The following ARHGAP24 variants were observed in gnomAD, a reference collection of about 807,000 sequenced individuals.
ARHGAP24 encodes rho GTPase-activating protein 24.
Under a neutral mutation model 76.4 loss-of-function variants are expected in ARHGAP24, and 50 were observed. The observed-to-expected ratio is 0.65, with a 90% CI of 0.52 to 0.83. The LOEUF (loss-of-function observed/expected upper bound fraction) is 0.83, where lower values mean the gene tolerates loss of function less well. Among genes scored for constraint, ARHGAP24 ranks in the 40% least tolerant of loss-of-function variants. The pLI is 0.00. For missense variants in ARHGAP24, 930 were observed against 914.2 expected (o/e 1.02, Z -0.22); for synonymous variants, 345 against 323.3 (o/e 1.07, Z -0.72).
intron 3 of ARHGAP24, among the ~76,000 whole-genome samples, chr4:85,885,854 A>G (rs1178233727): frequency 6.6e-6 from 1 of 152,092 alleles, no homozygotes; most frequent in East Asian, 1.9e-4. Flanking sequence ...GTTGGTTGAT[A>G]CTTTATTTAT....
At chr4:85,834,621 G>A (rs959949609) in intron 3 of ARHGAP24, among the ~76,000 whole-genome samples, 5 of 152,310 alleles carry the variant, frequency 3.3e-5, no homozygotes, top group East Asian at 1.9e-4. Flanking sequence ...CTGTCAAAAC[G>A]GAGAGAAGAT....
intron 1 of ARHGAP24, among the ~76,000 whole-genome samples, chr4:85,561,458 G>T (rs1726596806): frequency 1.3e-5 from 2 of 152,206 alleles, no homozygotes; most frequent in African/African-American, 2.4e-5. Context: ...GAAAAAGGTG[G>T]TATGGTGGAG....
chr4:85,793,546 G>A (rs1369345282), intron 3 of ARHGAP24, among the ~76,000 whole-genome samples: 1 of 152,060 alleles, frequency 6.6e-6, no homozygotes, highest in Non-Finnish European at 1.5e-5. Flanking sequence ...TCTATTTATG[G>A]CATCTGGCAA....
chr4:85,777,856 A>G (rs1405767509), intron 3 of ARHGAP24, among the ~76,000 whole-genome samples: 1 of 152,208 alleles, frequency 6.6e-6, no homozygotes, highest in African/African-American at 2.4e-5. Context: ...TTTCAGTTAG[A>G]AAAACATAAT....
At chr4:85,970,914 C>T (rs922771074) in intron 5 of ARHGAP24, among the ~76,000 whole-genome samples, 5 of 152,196 alleles carry the variant, frequency 3.3e-5, no homozygotes, top group Admixed American at 1.3e-4. Context: ...TCTTTACTAT[C>T]ATCCATCTTC....
chr4:85,581,616 T>A (rs1259797795), intron 2 of ARHGAP24, among the ~76,000 whole-genome samples: 1 of 152,136 alleles, frequency 6.6e-6, no homozygotes, highest in Non-Finnish European at 1.5e-5. Flanking sequence ...CTAACTTAAC[T>A]GTGTTTTTTA....
intron 2 of ARHGAP24, among the ~76,000 whole-genome samples, chr4:85,576,054 A>T (rs929642238): frequency 1.3e-5 from 2 of 152,234 alleles, no homozygotes; most frequent in Non-Finnish European, 2.9e-5. Context: ...GGATTTTCTT[A>T]ACTTAGAGGA....
intron 2 of ARHGAP24, among the ~76,000 whole-genome samples, chr4:85,581,611 T>G (rs549567620): frequency 1.3e-5 from 2 of 152,150 alleles, no homozygotes; most frequent in Non-Finnish European, 2.9e-5. Flanking sequence ...TAGCTCTAAC[T>G]TAACTGTGTT....
At chr4:85,821,029 G>A (rs1729447210) in intron 3 of ARHGAP24, among the ~76,000 whole-genome samples, 1 of 151,826 alleles carries the variant, frequency 6.6e-6, no homozygotes, top group Non-Finnish European at 1.5e-5. Flanking sequence ...TTAAAGATTG[G>A]AGGTACAACT....
chr4:85,624,041 A>G (rs182651718), intron 2 of ARHGAP24, among the ~76,000 whole-genome samples: 70 of 152,276 alleles, frequency 4.6e-4, no homozygotes, highest in African/African-American at 1.6e-3. Context: ...AAACAGGGAC[A>G]ATTTGACTTC....
intron 1 of ARHGAP24, among the ~76,000 whole-genome samples, chr4:85,476,574 CTAAG>C: frequency 6.6e-6 from 1 of 152,230 alleles, no homozygotes; most frequent in African/African-American, 2.4e-5. Context: ...GCTATGTCTA[CTAAG>C]TAAGACAAAT....
chr4:85,896,739 T>C (rs912389048), intron 3 of ARHGAP24, among the ~76,000 whole-genome samples: 8 of 152,304 alleles, frequency 5.3e-5, no homozygotes, highest in African/African-American at 1.9e-4. Context: ...AATATTGCAA[T>C]AGTCATTCTT....
At chr4:85,645,347 C>G (rs1387482394) in intron 2 of ARHGAP24, among the ~76,000 whole-genome samples, 1 of 152,042 alleles carries the variant, frequency 6.6e-6, no homozygotes, top group Non-Finnish European at 1.5e-5. Context: ...GAATTCGGTC[C>G]TAGATCTCTT....
chr4:85,956,842 C>T (rs975633723), intron 5 of ARHGAP24, among the ~76,000 whole-genome samples: 2 of 152,258 alleles, frequency 1.3e-5, no homozygotes, highest in East Asian at 3.9e-4. Context: ...CCAGCCCTAA[C>T]AAACACGGAC....
chr4:85,893,870 A>G (rs1021199462), intron 3 of ARHGAP24, among the ~76,000 whole-genome samples: 2 of 140,252 alleles, frequency 1.4e-5, no homozygotes, highest in African/African-American at 5.3e-5. Context: ...AACACCGCAT[A>G]TTCTCACTCA....
chr4:85,939,623 T>A (rs879809117), intron 4 of ARHGAP24, among the ~76,000 whole-genome samples: 1 of 152,148 alleles, frequency 6.6e-6, no homozygotes, highest in Non-Finnish European at 1.5e-5. Context: ...CAAACCTGCA[T>A]GTACAAGAAA....
intron 1 of ARHGAP24, among the ~76,000 whole-genome samples, chr4:85,541,065 C>T (rs1725667400): frequency 7.3e-6 from 1 of 136,482 alleles, no homozygotes; most frequent in African/African-American, 3.2e-5. Context: ...GTGATACTTT[C>T]ACTGATCCTA....
intron 2 of ARHGAP24, among the ~76,000 whole-genome samples, chr4:85,690,214 G>T (rs997048942): frequency 1.1e-4 from 16 of 150,470 alleles, no homozygotes; most frequent in Non-Finnish European, 2.1e-4. Flanking sequence ...ATATTCTTCA[G>T]AGATATTCAT....
intron 1 of ARHGAP24, among the ~76,000 whole-genome samples, chr4:85,534,273 A>G (rs1166059397): frequency 1.4e-5 from 2 of 144,290 alleles, no homozygotes; most frequent in Non-Finnish European, 3.2e-5. Context: ...AGGATTATTG[A>G]GTGCCCTCTG....
Sources: gnomAD v4.1 joint callset for allele counts (sites outside exome capture counted in the v4.1 genomes callset) on GRCh38, gnomAD v4.1.1 for gene constraint, MANE v1.5 for transcripts, NCBI Gene and HGNC (gene_info 2026-07-23, HGNC 2026-07-21) for gene names.